SLC35F4: variants seen among roughly 807,000 people sequenced by gnomAD.
The protein encoded by SLC35F4 is solute carrier family 35 member F4.
A neutral mutation model predicts 44.2 loss-of-function variants in SLC35F4; 24 were observed. The observed-to-expected ratio is 0.54, with a 90% CI of 0.39 to 0.76. The LOEUF is 0.76. SLC35F4 is among the 30% of genes least tolerant of loss of function. The pLI is 0.00. For synonymous variants in SLC35F4, 238 were observed against 223.6 expected, an observed-to-expected ratio of 1.06 and a Z score of -0.57; for missense variants, 562 against 586.1, an observed-to-expected ratio of 0.96 and a Z score of 0.42.
chr14:57,660,560 A>G (rs1041903107), intron 1 of SLC35F4, among the ~76,000 whole-genome samples: 1 of 149,648 alleles, frequency 6.7e-6, no homozygotes, highest in Non-Finnish European at 1.5e-5. Flanking sequence ...ACACCAGGAC[A>G]CAGAGGAGGA....
chr14:57,806,648 T>G (rs1881354880), intron 1 of SLC35F4, among the ~76,000 whole-genome samples: 2 of 152,204 alleles, frequency 1.3e-5, no homozygotes, highest in South Asian at 4.1e-4. Flanking sequence ...GAAATGATTT[T>G]CCCAGGGTCA....
intron 1 of SLC35F4, among the ~76,000 whole-genome samples, chr14:57,620,648 T>G (rs934415191): frequency 2.0e-5 from 3 of 152,198 alleles, no homozygotes; most frequent in Non-Finnish European, 4.4e-5. Flanking sequence ...AGTATGGTAT[T>G]GGCTGTGGGT....
intron 1 of SLC35F4, among the ~76,000 whole-genome samples, chr14:57,917,369 A>T (rs2141055428): frequency 6.6e-6 from 1 of 152,170 alleles, no homozygotes; most frequent in African/African-American, 2.4e-5. Context: ...CTCTCTGCTT[A>T]CATTTTTTTT....
At chr14:57,701,851 A>G (rs1248485854) in intron 1 of SLC35F4, among the ~76,000 whole-genome samples, 2 of 152,196 alleles carry the variant, frequency 1.3e-5, no homozygotes, top group South Asian at 2.1e-4. Flanking sequence ...ATCTTACCGT[A>G]TTGTACTTAC....
At chr14:57,583,718 C>T (rs238394) in intron 3 of SLC35F4, among the ~76,000 whole-genome samples, 42,856 of 152,054 alleles carry the variant, frequency 0.28, 6,474 homozygotes, top group East Asian at 0.64. Context: ...GACCTTCTCC[C>T]CTTTGTTACT....
At chr14:57,827,927 G>A (rs1108531) in intron 1 of SLC35F4, among the ~76,000 whole-genome samples, 27,478 of 152,086 alleles carry the variant, frequency 0.18, 3,504 homozygotes, top group African/African-American at 0.37. Context: ...CAAGATTTCA[G>A]CTAATAACCT....
intron 1 of SLC35F4, among the ~76,000 whole-genome samples, chr14:57,730,187 T>C (rs1277143683): frequency 1.3e-5 from 2 of 152,210 alleles, no homozygotes; most frequent in African/African-American, 4.8e-5. Flanking sequence ...TTATTGCTCA[T>C]CTGATTTTTG....
intron 1 of SLC35F4, among the ~76,000 whole-genome samples, chr14:57,726,012 G>A (rs4035386): frequency 0.4 from 60,174 of 151,966 alleles, 11,947 homozygotes; most frequent in Middle Eastern, 0.42. Flanking sequence ...CTAGAAGTTA[G>A]GATTGCCAAC....
chr14:57,732,423 G>T (rs1256791368), intron 1 of SLC35F4, among the ~76,000 whole-genome samples: 1 of 152,130 alleles, frequency 6.6e-6, no homozygotes. Context: ...AACAGGAAAA[G>T]CTTTTTAGTT....
intron 1 of SLC35F4, among the ~76,000 whole-genome samples, chr14:57,817,780 T>G (rs1238366065): frequency 2.4e-4 from 37 of 152,128 alleles, no homozygotes; most frequent in Non-Finnish European, 1.5e-5. Context: ...ATCATGACAA[T>G]GGCCTACAGT....
rs184636511 is a variant in SLC35F4, at chr14:57,613,840, T to C, written c.104-19716A>G. Among the ~76,000 whole-genome samples, 207 of 152,324 alleles carry C rather than the reference T, an allele frequency of 1.4e-3. 1 individual carries two copies. Among genetic ancestry groups the C allele is most frequent in the Non-Finnish European group, 2.4e-3 (163 of 68,032 alleles). ...TCTTTCCTCTCCAAGCCTCAGTTTCTTTATTGGCAAGGAGGAAAGTAACAT... is the reference window on the plus strand; with the variant it reads ...TCTTTCCTCTCCAAGCCTCAGTTTCCTTATTGGCAAGGAGGAAAGTAACAT... On this transcript the variant is annotated intron_variant, in intron 1 of 7. Transcript: ENST00000556826.
At chr14:57,685,966 G>C (rs531427040) in intron 1 of SLC35F4, among the ~76,000 whole-genome samples, 4 of 152,292 alleles carry the variant, frequency 2.6e-5, no homozygotes, top group African/African-American at 9.6e-5. Flanking sequence ...AGTTATGAGA[G>C]TAGGTCTGAG....
At chr14:57,736,864 T>C (rs1566808391) in intron 1 of SLC35F4, among the ~76,000 whole-genome samples, 1 of 152,222 alleles carries the variant, frequency 6.6e-6, no homozygotes, top group Non-Finnish European at 1.5e-5. Context: ...TTAAAGATAT[T>C]TCATTTGGAA....
intron 1 of SLC35F4, among the ~76,000 whole-genome samples, chr14:57,607,316 G>A (rs930972377): frequency 2.6e-5 from 4 of 152,180 alleles, no homozygotes; most frequent in Admixed American, 2.6e-4. Flanking sequence ...CAGGGGAGGA[G>A]TACCAGTCAG....
intron 1 of SLC35F4, among the ~76,000 whole-genome samples, chr14:57,718,640 T>C (rs902829737): frequency 1.3e-5 from 2 of 152,224 alleles, no homozygotes; most frequent in Non-Finnish European, 2.9e-5. Flanking sequence ...TTGCATGTCT[T>C]CTTTTGCGAA....
chr14:57,582,477 C>T (rs1344696309), intron 3 of SLC35F4, among the ~76,000 whole-genome samples: 3 of 152,190 alleles, frequency 2.0e-5, no homozygotes, highest in Non-Finnish European at 4.4e-5. Context: ...GCTGAGATTA[C>T]AGGCAAGAGC....
At position 57,585,746 on chromosome 14, in the gene SLC35F4, T is replaced by C. The variant is rs2069666185; in HGVS notation, c.587+3470A>G. On this transcript the variant is annotated intron_variant, in intron 3 of 7. Transcript: ENST00000556826. ...CTATTTACAATTGCTACAAAGAGAA[T>C]AAAATACCTAAGAATACAACTTACT... Among the ~76,000 whole-genome samples the C allele has an allele frequency of 1.3e-5, 2 of 152,080 alleles. 1 individual carries two copies. Among genetic ancestry groups the C allele is most frequent in the South Asian group, 4.1e-4 (2 of 4,828 alleles).
intron 1 of SLC35F4, among the ~76,000 whole-genome samples, chr14:57,620,688 A>T (rs1188981843): frequency 2.0e-5 from 3 of 152,168 alleles, no homozygotes; most frequent in Non-Finnish European, 4.4e-5. Flanking sequence ...TTATTTTGAG[A>T]TACGTCCCAT....
intron 1 of SLC35F4, among the ~76,000 whole-genome samples, chr14:57,738,600 C>A (rs370408460): frequency 6.6e-6 from 1 of 151,786 alleles, no homozygotes; most frequent in Non-Finnish European, 1.5e-5. Flanking sequence ...AAAAAATGAA[C>A]AAGCAGATTT....
Sources: allele counts gnomAD v4.1 joint callset (sites outside exome capture counted in the v4.1 genomes callset), GRCh38; gene constraint gnomAD v4.1.1; transcripts MANE v1.5; gene names NCBI Gene and HGNC (gene_info 2026-07-23, HGNC 2026-07-21).